The following KPNA5 variants were observed in gnomAD, a reference collection of about 807,000 sequenced individuals.
The protein encoded by KPNA5 is importin subunit alpha-6.
In KPNA5, 46 loss-of-function variants were observed where a neutral mutation model predicts 71.3. That is an observed-to-expected ratio of 0.65 (90% CI 0.51 to 0.83). The LOEUF (loss-of-function observed/expected upper bound fraction) is 0.83. Among genes scored for constraint, KPNA5 ranks in the 40% least tolerant of loss-of-function variants. The probability of loss-of-function intolerance (pLI) is 0.00; values close to 1 mark genes in which losing one functional copy is unlikely to be tolerated. For synonymous variants in KPNA5, 207 were observed against 201.4 expected (o/e 1.03, Z -0.24); for missense variants, 547 against 628.3 (o/e 0.87, Z 1.38).
At chr6:116,695,002 G>C (rs1403603980) in intron 4 of KPNA5, among the ~76,000 whole-genome samples, 1 of 151,930 alleles carries the variant, frequency 6.6e-6, no homozygotes. Context: ...CCAGACTGGA[G>C]TGCAATAGCA....
At chr6:116,701,489 C>T (rs1778229028) in intron 5 of KPNA5, among the ~76,000 whole-genome samples, 1 of 152,140 alleles carries the variant, frequency 6.6e-6, no homozygotes, top group Non-Finnish European at 1.5e-5. Context: ...TCAGAAGTCC[C>T]AGCACTGGCT....
At chr6:116,714,012 T>G (rs1158542019) in intron 7 of KPNA5, among the ~76,000 whole-genome samples, 1 of 152,196 alleles carries the variant, frequency 6.6e-6, no homozygotes, top group Admixed American at 6.5e-5. Flanking sequence ...TTTAAAATCT[T>G]TGCATAGTAA....
chr6:116,709,459 A>G (rs1244874833), intron 7 of KPNA5, among the ~76,000 whole-genome samples: 2 of 152,232 alleles, frequency 1.3e-5, no homozygotes, highest in African/African-American at 4.8e-5. Context: ...GCTGTAGTGC[A>G]CTATAATAAT....
intron 9 of KPNA5, among the ~76,000 whole-genome samples, chr6:116,723,697 C>T (rs909030453): frequency 1.3e-5 from 2 of 152,108 alleles, no homozygotes; most frequent in Non-Finnish European, 2.9e-5. Flanking sequence ...ATTAGAAATA[C>T]ATCACTGGTA....
chr6:116,695,814 T>C (rs1778005258), intron 4 of KPNA5, among the ~76,000 whole-genome samples: 4 of 152,204 alleles, frequency 2.6e-5, no homozygotes, highest in Admixed American at 2.6e-4. Flanking sequence ...TTTTTAAGTA[T>C]ATTCCTTAAA....
chr6:116,726,746 A>G, intron 12 of KPNA5, 124 bp downstream of exon 12: 1 of 882,400 alleles, frequency 1.1e-6, no homozygotes, highest in Admixed American at 3.5e-5. Flanking sequence ...ATATGAAATG[A>G]CAGCATGTAT....
intron 4 of KPNA5, among the ~76,000 whole-genome samples, chr6:116,694,825 A>G (rs763544116): frequency 6.6e-6 from 1 of 152,178 alleles, no homozygotes; most frequent in Non-Finnish European, 1.5e-5. Flanking sequence ...AGCAATATAA[A>G]TTTCCTTAAT....
At chr6:116,706,292 T>G (rs1778433472) in intron 7 of KPNA5, among the ~76,000 whole-genome samples, 1 of 152,222 alleles carries the variant, frequency 6.6e-6, no homozygotes, top group African/African-American at 2.4e-5. Context: ...TTAGGTCTAA[T>G]CTCTTTAAAT....
In KPNA5 at chr6:116,738,277, T is replaced by A. The variant is rs1055292293; in HGVS notation, c.*5954T>A. The A allele has an allele frequency of 3.3e-5, 5 of 152,130 alleles. No individual in the cohort carries two copies. The highest frequency in any genetic ancestry group is 1.2e-4 in the African/African-American group (5 of 41,424). The allele number at this position is 152,130 out of a possible 1,614,324, so 9.4% of individuals were successfully genotyped here. A position where few individuals can be genotyped will look rare whatever the true frequency, so the allele number is the denominator to read the frequency against. On this transcript the variant is annotated 3_prime_UTR_variant, in exon 14 of 14. Transcript: ENST00000368564. ...AGAAATGGATAAATTCCTCGACACATAAACCCTCCCAAGACTAAACCAGGA... is the reference window on the plus strand; with the variant it reads ...AGAAATGGATAAATTCCTCGACACAAAAACCCTCCCAAGACTAAACCAGGA...
intron 6 of KPNA5, among the ~76,000 whole-genome samples, chr6:116,703,014 A>G (rs901749626): frequency 1.3e-5 from 2 of 151,970 alleles, no homozygotes; most frequent in African/African-American, 4.8e-5. Flanking sequence ...ATATTTTTTC[A>G]GTTAACACTA....
intron 5 of KPNA5, among the ~76,000 whole-genome samples, chr6:116,700,380 G>A (rs962548026): frequency 6.6e-6 from 1 of 152,164 alleles, no homozygotes; most frequent in Non-Finnish European, 1.5e-5. Flanking sequence ...TGAAGTGAGA[G>A]TATAACTTGA....
At chr6:116,685,267 A>G (rs1777531573) in intron 1 of KPNA5, among the ~76,000 whole-genome samples, 1 of 152,146 alleles carries the variant, frequency 6.6e-6, no homozygotes, top group African/African-American at 2.4e-5. Context: ...AGCCGGATTT[A>G]TTTTGTTGGT....
At chr6:116,730,584 C>T (rs1343590635) in intron 13 of KPNA5, among the ~76,000 whole-genome samples, 1 of 152,108 alleles carries the variant, frequency 6.6e-6, no homozygotes, top group African/African-American at 2.4e-5. Context: ...AGTCTTAGGG[C>T]ACTGACTTCT....
In KPNA5 at chr6:116,734,676, A is replaced by G. The variant is rs186375810; in HGVS notation, c.*2353A>G. 233 of 150,636 alleles carry G rather than the reference A, an allele frequency of 1.5e-3. 1 individual carries two copies. Among genetic ancestry groups the G allele is most frequent in the African/African-American group, 5.1e-3 (209 of 41,244 alleles). 9.3% of individuals were successfully genotyped at this position (150,636 alleles called of 1,614,324 possible). ...AAAAATATAGCTACTCTTTTCAAGT[A>G]TACCATTTAAAATATTTCATCAGGC... On this transcript the variant is annotated 3_prime_UTR_variant, in exon 14 of 14. Coordinates refer to ENST00000368564, the MANE Select transcript of KPNA5 (RefSeq NM_001366306.2).
intron 9 of KPNA5, among the ~76,000 whole-genome samples, 197 bp downstream of exon 9, chr6:116,722,486 CTAAT>C (rs1327670756): frequency 2.6e-5 from 4 of 152,172 alleles, no homozygotes; most frequent in Non-Finnish European, 5.9e-5. Context: ...ATAGTTGGAA[CTAAT>C]TATTTTGTAA....
At chr6:116,684,402 T>G (rs767908010) in intron 1 of KPNA5, among the ~76,000 whole-genome samples, 8 of 152,168 alleles carry the variant, frequency 5.3e-5, no homozygotes, top group Non-Finnish European at 8.8e-5. Flanking sequence ...TCTTTACCAG[T>G]GACATAATTA....
intron 6 of KPNA5, among the ~76,000 whole-genome samples, chr6:116,703,307 C>A (rs1430801455): frequency 6.6e-6 from 1 of 151,128 alleles, no homozygotes; most frequent in Admixed American, 6.6e-5. Context: ...TCGTCCCCCA[C>A]GCTGGAATGC....
Position 116,734,552 on chromosome 6 carries a change from A to G in KPNA5, c.*2229A>G, listed in dbSNP as rs762779934. 7.3e-5 allele frequency: 11 copies of G among 151,662 alleles called. No individual in the cohort carries two copies. The highest frequency in any genetic ancestry group is 2.7e-4 in the African/African-American group (11 of 41,402). 9.4% of individuals were successfully genotyped at this position (151,662 alleles called of 1,614,324 possible). Reference sequence around the variant, plus strand: ...TAGATTTGATTGCAAAGAGCACTGTATAGCAGTTGGGACCAGCTCTTGGCT... The same window carrying G: ...TAGATTTGATTGCAAAGAGCACTGTGTAGCAGTTGGGACCAGCTCTTGGCT... On this transcript the variant is annotated 3_prime_UTR_variant, in exon 14 of 14. Coordinates refer to ENST00000368564, the MANE Select transcript of KPNA5 (RefSeq NM_001366306.2).
At chr6:116,698,682 T>C in intron 4 of KPNA5, 22 bp from the exon 5 acceptor site, 1 of 1,365,174 alleles carries the variant, frequency 7.3e-7, no homozygotes, top group Non-Finnish European at 1.0e-6. Context: ...TTGTAATAAC[T>C]GAAGTCTTTT....
Sources: allele counts gnomAD v4.1 joint callset (sites outside exome capture counted in the v4.1 genomes callset), GRCh38; gene constraint gnomAD v4.1.1; transcripts MANE v1.5; gene names NCBI Gene and HGNC (gene_info 2026-07-23, HGNC 2026-07-21).